The following GLI3 variants were observed in gnomAD, a reference collection of about 807,000 sequenced individuals.
GLI3 encodes the protein GLI family zinc finger 3, also known as transcription activator GLI3.
In GLI3, 20 loss-of-function variants were observed where a neutral mutation model predicts 100.8. The observed-to-expected ratio is 0.20, with a 90% CI of 0.14 to 0.29. The LOEUF is 0.29. Among genes scored for constraint, GLI3 ranks in the 10% least tolerant of loss-of-function variants. The pLI is 1.00. For missense variants in GLI3, 2,040 were observed against 2,128.5 expected, an observed-to-expected ratio of 0.96 and a Z score of 0.82; for synonymous variants, 938 against 860.5, an observed-to-expected ratio of 1.09 and a Z score of -1.58.
chr7:42,044,655 A>G (rs184601628), intron 6 of GLI3, among the ~76,000 whole-genome samples: 2 of 152,330 alleles, frequency 1.3e-5, no homozygotes, highest in Admixed American at 6.5e-5. Flanking sequence ...ATCCTTTCAT[A>G]TATTCAGCAG....
intron 4 of GLI3, among the ~76,000 whole-genome samples, chr7:42,053,673 G>A (rs1054672810): frequency 6.6e-6 from 1 of 152,222 alleles, no homozygotes; most frequent in Admixed American, 6.5e-5. Flanking sequence ...CTTTGTGGCA[G>A]TCCACCTTCT....
intron 10 of GLI3, among the ~76,000 whole-genome samples, chr7:42,010,153 G>A (rs574329717): frequency 1.4e-4 from 21 of 152,160 alleles, no homozygotes; most frequent in Admixed American, 2.6e-4. Flanking sequence ...ATTCAACAAG[G>A]CCCCCAGGGA....
chr7:42,030,698 T>G (rs1213931320), intron 7 of GLI3, among the ~76,000 whole-genome samples: 4 of 67,082 alleles, frequency 6.0e-5, no homozygotes, highest in African/African-American at 4.3e-4. Context: ...GTTGATTTGT[T>G]TTTTTTTTTT....
At chr7:42,181,216 C>A (rs956889824) in intron 2 of GLI3, among the ~76,000 whole-genome samples, 5 of 152,184 alleles carry the variant, frequency 3.3e-5, no homozygotes, top group African/African-American at 4.8e-5. Flanking sequence ...CAGAACTTCT[C>A]ACCTACACTA....
chr7:42,252,655 A>T (rs1789046276), intron 1 of GLI3, among the ~76,000 whole-genome samples: 1 of 152,206 alleles, frequency 6.6e-6, no homozygotes, highest in South Asian at 2.1e-4. Context: ...ATATTATATA[A>T]TTATTTCAAG....
intron 3 of GLI3, among the ~76,000 whole-genome samples, chr7:42,116,536 G>A (rs1483059260): frequency 2.0e-5 from 3 of 150,048 alleles, no homozygotes; most frequent in Non-Finnish European, 4.4e-5. Context: ...TTCTAAATAC[G>A]TGGGGATCTG....
intron 4 of GLI3, among the ~76,000 whole-genome samples, chr7:42,056,961 A>G (rs1221846991): frequency 1.4e-5 from 2 of 148,104 alleles, no homozygotes; most frequent in African/African-American, 5.0e-5. Context: ...CAGCCAGGGC[A>G]ATAAGAGCGA....
intron 7 of GLI3, among the ~76,000 whole-genome samples, chr7:42,034,363 C>T (rs846329): frequency 0.28 from 42,145 of 151,994 alleles, 6,045 homozygotes; most frequent in African/African-American, 0.36. Context: ...GCTAACCTCT[C>T]TTAACATCAG....
intron 10 of GLI3, among the ~76,000 whole-genome samples, chr7:42,022,541 T>C (rs1788974661): frequency 6.6e-6 from 1 of 152,188 alleles, no homozygotes; most frequent in Non-Finnish European, 1.5e-5. Context: ...AAATGCTACT[T>C]TGTCCAATTT....
intron 12 of GLI3, among the ~76,000 whole-genome samples, chr7:41,975,719 G>A (rs1043877535): frequency 1.3e-5 from 2 of 152,066 alleles, no homozygotes; most frequent in Non-Finnish European, 2.9e-5. Context: ...AAATATTTTA[G>A]GTCCATAAAA....
At chr7:41,967,495 A>T in intron 14 of GLI3, 101 bp downstream of exon 14, 1 of 831,154 alleles carries the variant, frequency 1.2e-6, no homozygotes, top group Non-Finnish European at 2.0e-6. Flanking sequence ...GCGTCATTTT[A>T]GGACTGGTGG....
At chr7:42,062,085 G>A (rs147083633) in intron 4 of GLI3, among the ~76,000 whole-genome samples, 2 of 152,116 alleles carry the variant, frequency 1.3e-5, no homozygotes, top group East Asian at 1.9e-4. Context: ...TGGAAAACCT[G>A]TGCACAGGAC....
chr7:41,967,723 G>T lies in GLI3; in HGVS notation c.2304C>A (p.Asn768Lys). 2 of 1,614,200 alleles carry T rather than the reference G, an allele frequency of 1.2e-6. No homozygotes were observed. Among genetic ancestry groups the T allele is most frequent in the Non-Finnish European group, 1.7e-6 (2 of 1,180,022 alleles). The change falls in exon 14 of 15, where the codon AAC becomes AAA. Residue 768 changes from asparagine to lysine, a missense_variant. Asn to Lys is a moderately conservative substitution (Grantham distance 94). Around this residue, in one of 5 missense-constraint regions of GLI3, gnomAD observed 327 missense variants for 338.7 expected, o/e 0.97. Coordinates refer to ENST00000395925, the MANE Select transcript of GLI3 (RefSeq NM_000168.6). ...GCTCCATCCATTTGGTCCCTGCCGGGTTTCTCCTGGCTTGCAAAGCAAGGG... is the reference window on the plus strand; with the variant it reads ...GCTCCATCCATTTGGTCCCTGCCGGTTTTCTCCTGGCTTGCAAAGCAAGGG... ...TTALALQARR[N>K]PAGTKWMEHV...
chr7:42,050,038 G>A (rs550588532), intron 4 of GLI3, among the ~76,000 whole-genome samples: 1 of 152,310 alleles, frequency 6.6e-6, no homozygotes, highest in East Asian at 1.9e-4. Flanking sequence ...TCCACTAAGT[G>A]CACAGCGCAG....
chr7:42,118,609 C>T (rs1262548900), intron 3 of GLI3, among the ~76,000 whole-genome samples: 2 of 152,200 alleles, frequency 1.3e-5, no homozygotes, highest in Non-Finnish European at 2.9e-5. Flanking sequence ...TGCCAGCACC[C>T]TTGATTGTTC....
chr7:42,127,722 T>C (rs2128774975), intron 3 of GLI3, among the ~76,000 whole-genome samples: 1 of 152,294 alleles, frequency 6.6e-6, no homozygotes, highest in African/African-American at 2.4e-5. Context: ...AAGAAACAAA[T>C]GTAGGGCCTG....
chr7:42,096,913 G>A (rs1785350369), intron 3 of GLI3, among the ~76,000 whole-genome samples: 1 of 152,238 alleles, frequency 6.6e-6, no homozygotes, highest in Non-Finnish European at 1.5e-5. Flanking sequence ...GCAGTGGCCA[G>A]GCCAAGCCAG....
intron 4 of GLI3, among the ~76,000 whole-genome samples, chr7:42,059,287 G>T (rs1247159273): frequency 6.6e-6 from 1 of 151,792 alleles, no homozygotes; most frequent in African/African-American, 2.4e-5. Flanking sequence ...TTCACGCAAA[G>T]GTATCCTTGT....
chr7:42,171,789 T>C (rs1462963386), intron 2 of GLI3, among the ~76,000 whole-genome samples: 1 of 152,242 alleles, frequency 6.6e-6, no homozygotes, highest in Non-Finnish European at 1.5e-5. Context: ...CTGGCATTTA[T>C]AATCCATAGT....
Sources: allele counts gnomAD v4.1 joint callset (sites outside exome capture counted in the v4.1 genomes callset), GRCh38; gene constraint gnomAD v4.1.1; regional missense constraint gnomAD v4.1.1; transcripts MANE v1.5; gene names NCBI Gene and HGNC (gene_info 2026-07-23, HGNC 2026-07-21).